The following QKI variants were observed in gnomAD, a reference collection of about 807,000 sequenced individuals.
The protein encoded by QKI is KH domain-containing RNA-binding protein QKI.
Under a neutral mutation model 39.0 loss-of-function variants are expected in QKI, and 10 were observed. The ratio of observed to expected loss-of-function variants is 0.26; its 90% CI spans 0.16 to 0.43. QKI has a LOEUF of 0.43. QKI is among the 20% of genes least tolerant of loss of function. QKI has a pLI of 1.00. For synonymous variants in QKI, 204 were observed against 155.4 expected (o/e 1.31, Z -2.33); for missense variants, 218 against 428.0 (o/e 0.51, Z 4.33).
intron 1 of QKI, among the ~76,000 whole-genome samples, chr6:163,436,537 G>A (rs1032146472): frequency 1.3e-5 from 2 of 152,156 alleles, no homozygotes; most frequent in Non-Finnish European, 1.5e-5. Context: ...GAAATGGCAA[G>A]GTGCGGTGGC....
chr6:163,512,017 T>A (rs1427481631), intron 3 of QKI, among the ~76,000 whole-genome samples: 1 of 152,058 alleles, frequency 6.6e-6, no homozygotes, highest in African/African-American at 2.4e-5. Context: ...GAGGTATATT[T>A]TGAGAATGCA....
intron 3 of QKI, among the ~76,000 whole-genome samples, chr6:163,529,339 C>T (rs923517308): frequency 3.9e-5 from 6 of 152,154 alleles, no homozygotes; most frequent in African/African-American, 7.2e-5. Context: ...GAATGATGCT[C>T]TTCAATCATA....
intron 4 of QKI, among the ~76,000 whole-genome samples, chr6:163,545,072 T>A (rs1781784674): frequency 1.3e-5 from 2 of 152,126 alleles, no homozygotes; most frequent in South Asian, 4.1e-4. Context: ...CAGAGATCTC[T>A]GTAATTTCTG....
chr6:163,567,259 T>C, intron 7 of QKI: 1 of 987,502 alleles, frequency 1.0e-6, no homozygotes, highest in Non-Finnish European at 1.2e-6. Flanking sequence ...TCCATTTTTC[T>C]TTATAATAAA....
chr6:163,508,607 G>A (rs1472132449), intron 3 of QKI, among the ~76,000 whole-genome samples: 1 of 148,470 alleles, frequency 6.7e-6, no homozygotes, highest in Non-Finnish European at 1.5e-5. Context: ...TTGGCTTACT[G>A]CAAGCTCCAC....
intron 2 of QKI, among the ~76,000 whole-genome samples, chr6:163,467,876 A>C (rs1791889845): frequency 6.6e-6 from 1 of 152,210 alleles, no homozygotes; most frequent in Admixed American, 6.5e-5. Context: ...GGCCATCTCC[A>C]GATAAAACCA....
At chr6:163,419,768 G>A (rs1364956288) in intron 1 of QKI, among the ~76,000 whole-genome samples, 1 of 152,160 alleles carries the variant, frequency 6.6e-6, no homozygotes. Context: ...AGTTGTATCC[G>A]ACTGTAACAC....
chr6:163,444,953 C>A (rs1014991356), intron 1 of QKI, among the ~76,000 whole-genome samples: 4 of 151,878 alleles, frequency 2.6e-5, no homozygotes, highest in Admixed American at 2.0e-4. Context: ...CTCTGTCACC[C>A]AGGCGAGTGC....
At chr6:163,505,080 C>T (rs1779011627) in intron 3 of QKI, among the ~76,000 whole-genome samples, 1 of 152,184 alleles carries the variant, frequency 6.6e-6, no homozygotes, top group Non-Finnish European at 1.5e-5. Flanking sequence ...CTTCAGAGGA[C>T]ACAAGCCCCA....
chr6:163,538,417 C>T (rs73021476), intron 4 of QKI, among the ~76,000 whole-genome samples: 10,806 of 152,036 alleles, frequency 0.071, 428 homozygotes, highest in South Asian at 0.091. Context: ...AAAACCTTAG[C>T]GAAAAGTGCG....
chr6:163,559,353 C>T (rs1782848996), intron 4 of QKI, among the ~76,000 whole-genome samples: 2 of 151,908 alleles, frequency 1.3e-5, no homozygotes, highest in Admixed American at 1.3e-4. Flanking sequence ...ATTTATAATA[C>T]TTTTGGTATT....
chr6:163,547,499 G>A (rs1016972754), intron 4 of QKI, among the ~76,000 whole-genome samples: 2 of 152,104 alleles, frequency 1.3e-5, no homozygotes, highest in African/African-American at 2.4e-5. Flanking sequence ...GTTTTTCAGC[G>A]TGCTTCTAAT....
intron 7 of QKI, chr6:163,570,471 G>A (rs1016661158): frequency 2.0e-4 from 196 of 979,392 alleles, no homozygotes; most frequent in Non-Finnish European, 2.3e-4. Context: ...GTGGGAGTGG[G>A]CTCTTCTTCA....
intron 4 of QKI, among the ~76,000 whole-genome samples, chr6:163,556,289 G>A (rs1050467988): frequency 6.6e-6 from 1 of 152,092 alleles, no homozygotes; most frequent in African/African-American, 2.4e-5. Flanking sequence ...GAGGCGGGTA[G>A]ATCACCTGAG....
intron 7 of QKI, chr6:163,568,108 G>A: frequency 1.0e-6 from 1 of 985,406 alleles, no homozygotes; most frequent in Non-Finnish European, 1.2e-6. Flanking sequence ...TGTTCTGTAT[G>A]AGCACGTCTC....
chr6:163,493,915 G>T (rs1619076), intron 3 of QKI, among the ~76,000 whole-genome samples: 119,513 of 152,032 alleles, frequency 0.79, 47,126 homozygotes, highest in East Asian at 1. Flanking sequence ...TGTTTCACTT[G>T]TTTATTGCCT....
intron 1 of QKI, chr6:163,416,371 A>T (rs560837866): frequency 6.1e-6 from 1 of 163,140 alleles, no homozygotes; most frequent in Non-Finnish European, 1.4e-5. Context: ...CCTAGAGAAA[A>T]AAAAGACCAC....
intron 6 of QKI, chr6:163,564,606 T>G (rs1562550087): frequency 6.2e-7 from 1 of 1,612,460 alleles, no homozygotes. Context: ...AAACGCTTGG[T>G]TTTACATGAA....
intron 4 of QKI, among the ~76,000 whole-genome samples, chr6:163,555,533 C>G (rs1472759279): frequency 7.1e-6 from 1 of 140,634 alleles, no homozygotes; most frequent in Non-Finnish European, 1.5e-5. Flanking sequence ...AAAAAAAAGC[C>G]TGCACTCTGA....
Sources: allele counts gnomAD v4.1 joint callset (sites outside exome capture counted in the v4.1 genomes callset), GRCh38; gene constraint gnomAD v4.1.1; transcripts MANE v1.5; gene names NCBI Gene and HGNC (gene_info 2026-07-23, HGNC 2026-07-21).